The following TEK variants were observed in gnomAD, a reference collection of about 807,000 sequenced individuals.
The protein encoded by TEK is TEK receptor tyrosine kinase.
Under a neutral mutation model 131.8 loss-of-function variants are expected in TEK, and 43 were observed. The observed-to-expected ratio is 0.33, with a 90% CI of 0.26 to 0.42. TEK has a LOEUF of 0.42. Ranked by LOEUF, TEK falls within the 10% of genes least tolerant of loss-of-function variation. The pLI is 1.00. For synonymous variants in TEK, 580 were observed against 491.6 expected, an observed-to-expected ratio of 1.18 and a Z score of -2.38; for missense variants, 1,162 against 1,384.4, an observed-to-expected ratio of 0.84 and a Z score of 2.55.
intron 1 of TEK, among the ~76,000 whole-genome samples, chr9:27,155,832 T>A (rs1823311379): frequency 6.6e-6 from 1 of 151,928 alleles, no homozygotes; most frequent in Non-Finnish European, 1.5e-5. Context: ...TTTTTTTTTT[T>A]TTGAGACAGA....
chr9:27,221,557 T>A (rs2984157), intron 21 of TEK, among the ~76,000 whole-genome samples: 1 of 152,046 alleles, frequency 6.6e-6, no homozygotes, highest in Non-Finnish European at 1.5e-5. Flanking sequence ...GGTGCCCCTC[T>A]GGGATGAACC....
intron 1 of TEK, among the ~76,000 whole-genome samples, chr9:27,123,187 A>G (rs1280808791): frequency 1.3e-5 from 2 of 151,192 alleles, no homozygotes; most frequent in African/African-American, 4.9e-5. Flanking sequence ...GAAAGTGGGA[A>G]GGGAGGGAGA....
intron 1 of TEK, among the ~76,000 whole-genome samples, chr9:27,149,179 C>T (rs1269068975): frequency 6.6e-6 from 1 of 152,084 alleles, no homozygotes; most frequent in African/African-American, 2.4e-5. Flanking sequence ...AGGCATTGTG[C>T]TCATTGTTAG....
chr9:27,197,582 C>T lies in TEK; in HGVS notation c.1892C>T (p.Ala631Val). The T allele has an allele frequency of 1.9e-6, 3 of 1,613,902 alleles. No individual in the cohort carries two copies. Among genetic ancestry groups the T allele is most frequent in the Non-Finnish European group, 2.5e-6 (3 of 1,179,962 alleles). Reference sequence around the variant, plus strand: ...GGGGAATGGAGTGAAGATCTCACTGCTTGGACCCTTAGTGACAGTAAGTAA... The same window carrying T: ...GGGGAATGGAGTGAAGATCTCACTGTTTGGACCCTTAGTGACAGTAAGTAA... ...AQGEWSEDLT[A>V]WTLSDILPPQ... Residue 631 changes from alanine (A) to valine (V), a missense_variant, in exon 12 of 23, where the codon GCT (alanine) becomes GTT (valine). Ala to Val is a moderately conservative substitution (Grantham distance 64). Coordinates refer to ENST00000380036, the MANE Select transcript of TEK (RefSeq NM_000459.5).
intron 2 of TEK, among the ~76,000 whole-genome samples, 184 bp downstream of exon 2, chr9:27,158,326 A>G (rs188630068): frequency 6.6e-6 from 1 of 152,184 alleles, no homozygotes; most frequent in East Asian, 1.9e-4. Flanking sequence ...AAAGGAGACT[A>G]CCCAGTCCAA....
At chr9:27,201,359 T>G (rs975147165) in intron 12 of TEK, among the ~76,000 whole-genome samples, 3 of 152,196 alleles carry the variant, frequency 2.0e-5, no homozygotes, top group Non-Finnish European at 4.4e-5. Context: ...AGAAGACCAC[T>G]GGTTTATGAA....
chr9:27,229,262 C>T lies in TEK; in HGVS notation c.*30C>T, dbSNP rs1458750866. ...GAACATCTGTATACCCTCTGTTTCC[C>T]TTTCACTGGCATGGGAGACCCTTGA... On this transcript the variant is annotated 3_prime_UTR_variant, in exon 23 of 23. Coordinates refer to ENST00000380036, the MANE Select transcript of TEK (RefSeq NM_000459.5). 6.2e-7 allele frequency: 1 copy of T among 1,607,690 alleles called. No homozygotes were observed. Among genetic ancestry groups the T allele is most frequent in the Non-Finnish European group, 8.5e-7 (1 of 1,174,290 alleles).
intron 21 of TEK, among the ~76,000 whole-genome samples, chr9:27,221,363 TCC>T (rs1826071643): frequency 6.6e-6 from 1 of 152,172 alleles, no homozygotes; most frequent in Non-Finnish European, 1.5e-5. Flanking sequence ...ACTTAAACGT[TCC>T]TGCCTGCCAG....
chr9:27,225,696 A>G (rs1400526761), intron 21 of TEK, among the ~76,000 whole-genome samples: 3 of 152,250 alleles, frequency 2.0e-5, no homozygotes, highest in African/African-American at 7.2e-5. Context: ...TCATGACTAA[A>G]ACACCAAAAG....
chr9:27,188,620 C>A (rs965316388), intron 9 of TEK, among the ~76,000 whole-genome samples: 1 of 152,170 alleles, frequency 6.6e-6, no homozygotes, highest in Non-Finnish European at 1.5e-5. Context: ...TTAATATTGG[C>A]ATGATCTGCC....
intron 1 of TEK, among the ~76,000 whole-genome samples, chr9:27,135,530 C>T (rs561787817): frequency 2.0e-5 from 3 of 152,256 alleles, no homozygotes; most frequent in Non-Finnish European, 4.4e-5. Flanking sequence ...CCACTATTTG[C>T]CACATACTGT....
chr9:27,133,136 C>G (rs1202852336), intron 1 of TEK, among the ~76,000 whole-genome samples: 2 of 152,132 alleles, frequency 1.3e-5, no homozygotes, highest in Non-Finnish European at 2.9e-5. Context: ...TAAATACTTC[C>G]TTCTTTTCTC....
chr9:27,218,427 G>C (rs1001394700), intron 19 of TEK, among the ~76,000 whole-genome samples: 2 of 152,108 alleles, frequency 1.3e-5, no homozygotes, highest in African/African-American at 4.8e-5. Context: ...GGTCCCAAGA[G>C]GTTCAGCAAC....
chr9:27,205,559 A>G (rs1030930356), intron 14 of TEK, among the ~76,000 whole-genome samples: 1 of 151,748 alleles, frequency 6.6e-6, no homozygotes, highest in African/African-American at 2.4e-5. Flanking sequence ...AATTGTATAT[A>G]CCTGTGTGTG....
intron 19 of TEK, among the ~76,000 whole-genome samples, chr9:27,218,194 A>T (rs1825899649): frequency 1.3e-5 from 2 of 150,604 alleles, no homozygotes; most frequent in Admixed American, 6.6e-5. Context: ...GAAAGGAAGG[A>T]TTGGCTTGAG....
chr9:27,137,849 G>T (rs1014855602), intron 1 of TEK, among the ~76,000 whole-genome samples: 2 of 151,984 alleles, frequency 1.3e-5, no homozygotes, highest in African/African-American at 4.8e-5. Flanking sequence ...TTTTGTGTCC[G>T]GAATTTATTC....
chr9:27,228,338 T>C, intron 22 of TEK, 33 bp downstream of exon 22: 3 of 1,517,592 alleles, frequency 2.0e-6, no homozygotes, highest in African/African-American at 1.4e-5. Flanking sequence ...AGATCTTTAA[T>C]TGGAATACCT....
chr9:27,213,326 T>A (rs1281540981), intron 17 of TEK, among the ~76,000 whole-genome samples, 158 bp from the exon 18 acceptor site: 1 of 152,186 alleles, frequency 6.6e-6, no homozygotes, highest in Non-Finnish European at 1.5e-5. Context: ...TTTGGCAGAA[T>A]CCATTACCAG....
intron 2 of TEK, among the ~76,000 whole-genome samples, chr9:27,164,405 C>T (rs1449341381): frequency 1.3e-5 from 2 of 151,508 alleles, no homozygotes; most frequent in African/African-American, 2.4e-5. Flanking sequence ...CTGCAAGCTC[C>T]GCCTCCTGGG....
Sources: gnomAD v4.1 joint callset for allele counts (sites outside exome capture counted in the v4.1 genomes callset) on GRCh38, gnomAD v4.1.1 for gene constraint, MANE v1.5 for transcripts, NCBI Gene and HGNC (gene_info 2026-07-23, HGNC 2026-07-21) for gene names.